EXOC4: variants seen among roughly 807,000 people sequenced by gnomAD.
EXOC4 encodes exocyst complex component 4.
In EXOC4, 71 loss-of-function variants were observed where a neutral mutation model predicts 107.2. The observed-to-expected ratio is 0.66, with a 90% CI of 0.55 to 0.81. EXOC4 has a LOEUF of 0.81. Ranked by LOEUF, EXOC4 falls within the 30% of genes least tolerant of loss-of-function variation. The probability of loss-of-function intolerance (pLI) is 0.00; values close to 1 mark genes in which losing one functional copy is unlikely to be tolerated. For missense variants in EXOC4, 1,108 were observed against 1,189.6 expected, an observed-to-expected ratio of 0.93 and a Z score of 1.01; for synonymous variants, 456 against 441.2, an observed-to-expected ratio of 1.03 and a Z score of -0.42.
At chr7:133,419,579 C>G (rs1797555410) in intron 7 of EXOC4, among the ~76,000 whole-genome samples, 1 of 151,990 alleles carries the variant, frequency 6.6e-6, no homozygotes, top group South Asian at 2.1e-4. Flanking sequence ...GAGTATTGTT[C>G]TGGGGAGCCA....
At chr7:133,817,024 G>T (rs1169395921) in intron 10 of EXOC4, among the ~76,000 whole-genome samples, 24 of 152,062 alleles carry the variant, frequency 1.6e-4, no homozygotes, top group African/African-American at 5.5e-4. Flanking sequence ...TGTGTTTTTT[G>T]TTTTTCACAT....
chr7:133,495,732 G>A (rs1035544920), intron 9 of EXOC4, among the ~76,000 whole-genome samples: 1 of 152,028 alleles, frequency 6.6e-6, no homozygotes, highest in Admixed American at 6.6e-5. Flanking sequence ...CCTTTTAATG[G>A]ACTTTCATCG....
intron 15 of EXOC4, among the ~76,000 whole-genome samples, chr7:134,003,640 G>A (rs974538179): frequency 2.6e-5 from 4 of 152,056 alleles, no homozygotes; most frequent in African/African-American, 9.7e-5. Flanking sequence ...AACCTTCCAT[G>A]CAAGGTCAGA....
At chr7:134,095,729 C>T in the EXOC4 span, among the ~76,000 whole-genome samples, 2 of 152,136 alleles carry the variant, frequency 1.3e-5, no homozygotes, top group African/African-American at 4.8e-5. Context: ...GAAAAGACTT[C>T]CTATTCAATA....
rs528434685 is a variant in EXOC4 at position 133,757,359 on chromosome 7, TA to T, written c.1515-59959del. ...AAAAAAATATGAAGCATCTTACTTT[TA>T]AAAAAATGCAGATTGTGTTTGCTTT... is the stretch of plus-strand genomic sequence containing the variant. On this transcript the variant is annotated intron_variant, in intron 10 of 17. Transcript: ENST00000253861. 2.1e-4 allele frequency among the ~76,000 whole-genome samples: 32 copies of T among 152,300 alleles called. No individual in the cohort carries two copies. The East Asian group carries it at 6.2e-3, about 29-fold the overall frequency.
chr7:133,599,979 C>A (rs1020087019), intron 9 of EXOC4, among the ~76,000 whole-genome samples: 1 of 142,790 alleles, frequency 7.0e-6, no homozygotes, highest in Non-Finnish European at 1.5e-5. Context: ...TGGCTCACTG[C>A]ATCCTAAACC....
At chr7:133,725,436 C>T (rs200667556) in intron 10 of EXOC4, among the ~76,000 whole-genome samples, 2 of 152,126 alleles carry the variant, frequency 1.3e-5, no homozygotes, top group Non-Finnish European at 2.9e-5. Flanking sequence ...AGTACAATGG[C>T]GCGATCTCAG....
chr7:133,508,524 T>A (rs971571601), intron 9 of EXOC4, among the ~76,000 whole-genome samples: 7 of 152,184 alleles, frequency 4.6e-5, no homozygotes, highest in Non-Finnish European at 1.0e-4. Context: ...AGGAATTATC[T>A]TATTTCCCCT....
chr7:133,977,590 G>A (rs1793868472), intron 14 of EXOC4, among the ~76,000 whole-genome samples: 1 of 152,212 alleles, frequency 6.6e-6, no homozygotes, highest in Admixed American at 6.5e-5. Context: ...GTAGGAACTT[G>A]TTTGCTGTGA....
chr7:133,867,362 C>T (rs1339160413), intron 11 of EXOC4, among the ~76,000 whole-genome samples: 1 of 152,204 alleles, frequency 6.6e-6, no homozygotes, highest in East Asian at 1.9e-4. Context: ...AGTCAGTACT[C>T]AGTAAATGTT....
intron 9 of EXOC4, among the ~76,000 whole-genome samples, chr7:133,483,722 G>A (rs1403546151): frequency 6.6e-6 from 1 of 152,226 alleles, no homozygotes; most frequent in East Asian, 1.9e-4. Context: ...TTTTGTAAAA[G>A]TCTGATGGTG....
intron 9 of EXOC4, among the ~76,000 whole-genome samples, chr7:133,612,404 C>G (rs10231632): frequency 0.99 from 150,717 of 152,288 alleles, 74,604 homozygotes; most frequent in Middle Eastern, 1. Context: ...AGGGCTTACT[C>G]AGAAGGAGGT....
chr7:133,652,881 T>C (rs1315472206), intron 10 of EXOC4, among the ~76,000 whole-genome samples: 1 of 152,234 alleles, frequency 6.6e-6, no homozygotes, highest in Non-Finnish European at 1.5e-5. Context: ...CCACGTGCTA[T>C]ATTAAAGTAG....
intron 10 of EXOC4, among the ~76,000 whole-genome samples, chr7:133,647,807 C>T (rs1051316660): frequency 6.6e-6 from 1 of 152,030 alleles, no homozygotes; most frequent in African/African-American, 2.4e-5. Flanking sequence ...ATCAAACAGC[C>T]TAATTAGAGC....
intron 9 of EXOC4, among the ~76,000 whole-genome samples, chr7:133,565,271 C>A (rs142170700): frequency 3.0e-4 from 46 of 152,232 alleles, no homozygotes; most frequent in African/African-American, 1.1e-3. Flanking sequence ...TTAACCGCCT[C>A]CACTCTTAGT....
chr7:134,027,054 A>G (rs1401042373), intron 17 of EXOC4, among the ~76,000 whole-genome samples: 2 of 152,188 alleles, frequency 1.3e-5, no homozygotes, highest in Non-Finnish European at 2.9e-5. Context: ...GGGGGGATTC[A>G]CACAAAAATA....
chr7:133,513,104 CA>C (rs1799804251), intron 9 of EXOC4, among the ~76,000 whole-genome samples: 1 of 151,978 alleles, frequency 6.6e-6, no homozygotes, highest in Non-Finnish European at 1.5e-5. Context: ...GACTTCATCT[CA>C]AAAAAATATA....
chr7:133,563,342 T>C (rs572861569), intron 9 of EXOC4, among the ~76,000 whole-genome samples: 2 of 152,356 alleles, frequency 1.3e-5, no homozygotes, highest in South Asian at 4.1e-4. Context: ...AATGAGCTTC[T>C]GCTCATGAAC....
At chr7:133,270,920 CT>C (rs34668596) in intron 1 of EXOC4, among the ~76,000 whole-genome samples, 6,232 of 136,198 alleles carry the variant, frequency 0.046, 232 homozygotes, top group African/African-American at 0.12. Flanking sequence ...TCATGCTTTG[CT>C]TTTTTTTTTT....
Sources: gnomAD v4.1 joint callset for allele counts (sites outside exome capture counted in the v4.1 genomes callset) on GRCh38, gnomAD v4.1.1 for gene constraint, MANE v1.5 for transcripts, NCBI Gene and HGNC (gene_info 2026-07-23, HGNC 2026-07-21) for gene names.